The following GRID1 variants were observed in gnomAD, a reference collection of about 807,000 sequenced individuals.
The protein encoded by GRID1 is glutamate receptor ionotropic, delta-1.
In GRID1, 28 loss-of-function variants were observed where a neutral mutation model predicts 98.0. The observed-to-expected ratio is 0.29, with a 90% CI of 0.21 to 0.39. The LOEUF is 0.39. Ranked by LOEUF, GRID1 falls within the 10% of genes least tolerant of loss-of-function variation. The pLI is 1.00. For missense variants in GRID1, 1,111 were observed against 1,340.5 expected (o/e 0.83, Z 2.67); for synonymous variants, 553 against 538.5 (o/e 1.03, Z -0.37).
intron 4 of GRID1, among the ~76,000 whole-genome samples, chr10:86,024,263 C>A (rs1843087344): frequency 6.6e-6 from 1 of 152,182 alleles, no homozygotes; most frequent in African/African-American, 2.4e-5. Context: ...TCCGCTATCA[C>A]CCAGCCGTCT....
intron 2 of GRID1, among the ~76,000 whole-genome samples, chr10:86,309,458 G>T (rs940715954): frequency 1.3e-5 from 2 of 152,212 alleles, no homozygotes; most frequent in African/African-American, 2.4e-5. Context: ...ACATAAAAGG[G>T]ATCATGCCTG....
At chr10:86,054,239 T>C (rs556350136) in intron 4 of GRID1, among the ~76,000 whole-genome samples, 22 of 150,442 alleles carry the variant, frequency 1.5e-4, no homozygotes, top group Middle Eastern at 3.4e-3. Flanking sequence ...GGCTTTTCTG[T>C]CTACTCGAGT....
chr10:85,861,118 C>G (rs1843160255), intron 6 of GRID1, among the ~76,000 whole-genome samples: 1 of 152,174 alleles, frequency 6.6e-6, no homozygotes, highest in African/African-American at 2.4e-5. Flanking sequence ...GGGGTCAGCA[C>G]CAGTCTGGAT....
At chr10:85,613,267 C>G (rs1842752873) in intron 15 of GRID1, 140 bp downstream of exon 15, 1 of 789,414 alleles carries the variant, frequency 1.3e-6, no homozygotes, top group Admixed American at 3.0e-5. Flanking sequence ...ATAACAAAAT[C>G]CCCCAATATA....
At chr10:86,051,518 C>CAA (rs201243866) in intron 4 of GRID1, among the ~76,000 whole-genome samples, 10 of 134,318 alleles carry the variant, frequency 7.4e-5, no homozygotes, top group African/African-American at 1.6e-4. Context: ...AGGGAAAAGG[C>CAA]AAAAAAAAAA....
chr10:86,363,117 G>T (rs1404135523), intron 2 of GRID1, among the ~76,000 whole-genome samples: 5 of 152,272 alleles, frequency 3.3e-5, no homozygotes, highest in Non-Finnish European at 7.3e-5. Flanking sequence ...GAGCTGAAAG[G>T]TTGAAGGGGA....
intron 4 of GRID1, among the ~76,000 whole-genome samples, chr10:85,963,546 G>A (rs1434394915): frequency 6.6e-6 from 1 of 152,098 alleles, no homozygotes; most frequent in Non-Finnish European, 1.5e-5. Context: ...CTGACACCAG[G>A]CCCCTGATGA....
chr10:86,272,236 T>C (rs1226954889), intron 2 of GRID1, among the ~76,000 whole-genome samples: 2 of 152,174 alleles, frequency 1.3e-5, no homozygotes, highest in African/African-American at 2.4e-5. Flanking sequence ...CAAGTTCTAA[T>C]CTTCCTACAG....
chr10:86,296,693 T>C (rs1361471424), intron 2 of GRID1, among the ~76,000 whole-genome samples: 1 of 152,092 alleles, frequency 6.6e-6, no homozygotes, highest in Non-Finnish European at 1.5e-5. Flanking sequence ...GAATCAAGAT[T>C]GCACCATTGC....
chr10:85,654,599 G>A (rs151123561), intron 12 of GRID1, among the ~76,000 whole-genome samples: 1 of 152,280 alleles, frequency 6.6e-6, no homozygotes, highest in African/African-American at 2.4e-5. Flanking sequence ...AAGATCCATT[G>A]AGAGGCAGGA....
intron 8 of GRID1, among the ~76,000 whole-genome samples, chr10:85,754,420 T>C (rs937166042): frequency 5.3e-5 from 8 of 152,124 alleles, no homozygotes; most frequent in African/African-American, 1.7e-4. Flanking sequence ...ATTAAAATCA[T>C]GAGTTACATA....
chr10:86,043,570 G>T (rs1330718551), intron 4 of GRID1, among the ~76,000 whole-genome samples: 2 of 152,198 alleles, frequency 1.3e-5, no homozygotes, highest in East Asian at 3.9e-4. Flanking sequence ...GCACAGGTGG[G>T]CAGGCTGCAG....
chr10:85,847,289 G>A (rs573538437), intron 8 of GRID1, among the ~76,000 whole-genome samples: 2 of 152,288 alleles, frequency 1.3e-5, no homozygotes, highest in East Asian at 1.9e-4. Context: ...TATGCCCTGA[G>A]AATAGCCAAG....
chr10:86,080,853 G>A (rs1211447192), intron 4 of GRID1, among the ~76,000 whole-genome samples: 1 of 152,106 alleles, frequency 6.6e-6, no homozygotes, highest in African/African-American at 2.4e-5. Context: ...CAAGGGACAG[G>A]GGACAGGGTA....
intron 2 of GRID1, among the ~76,000 whole-genome samples, chr10:86,297,808 T>A (rs1207308142): frequency 6.6e-6 from 1 of 152,204 alleles, no homozygotes; most frequent in Non-Finnish European, 1.5e-5. Flanking sequence ...AGTCCACCCA[T>A]GGGAAGGTGC....
At chr10:86,007,014 G>A (rs1376880267) in intron 4 of GRID1, among the ~76,000 whole-genome samples, 1 of 152,072 alleles carries the variant, frequency 6.6e-6, no homozygotes, top group African/African-American at 2.4e-5. Context: ...GGGAGGATGG[G>A]GGAAGCAGGG....
At chr10:85,844,168 A>G (rs777364653) in intron 8 of GRID1, among the ~76,000 whole-genome samples, 6 of 152,068 alleles carry the variant, frequency 3.9e-5, no homozygotes, top group Non-Finnish European at 5.9e-5. Flanking sequence ...GAAAAAGCCA[A>G]TAAAAATTAT....
chr10:85,942,437 T>G (rs1279638484), intron 4 of GRID1, among the ~76,000 whole-genome samples: 7 of 152,192 alleles, frequency 4.6e-5, no homozygotes, highest in Non-Finnish European at 1.0e-4. Context: ...CAGACCTTCC[T>G]TCCCCACACT....
chr10:85,668,158 C>T (rs1247097962), intron 12 of GRID1, among the ~76,000 whole-genome samples: 9 of 152,352 alleles, frequency 5.9e-5, no homozygotes, highest in Non-Finnish European at 8.8e-5. Flanking sequence ...GATGCTTCCA[C>T]AGGGAGGCTC....
Sources: gnomAD v4.1 joint callset for allele counts (sites outside exome capture counted in the v4.1 genomes callset) on GRCh38, gnomAD v4.1.1 for gene constraint, MANE v1.5 for transcripts, NCBI Gene and HGNC (gene_info 2026-07-23, HGNC 2026-07-21) for gene names.